MOB3A: variants seen among roughly 807,000 people sequenced by gnomAD.
MOB3A encodes the protein MOB kinase activator 3A, also known as MOB LAK.
A neutral mutation model predicts 17.8 loss-of-function variants in MOB3A; 17 were observed. That is an observed-to-expected ratio of 0.95 (90% CI 0.65 to 1.43). The LOEUF is 1.43. Ranked by LOEUF, MOB3A falls within the 40% of genes most tolerant of loss-of-function variation. MOB3A has a pLI of 0.00. For missense variants in MOB3A, 333 were observed against 310.8 expected (o/e 1.07, Z -0.54); for synonymous variants, 124 against 133.2 (o/e 0.93, Z 0.48).
chr19:2,090,674 T>A (rs1479945308), intron 1 of MOB3A, among the ~76,000 whole-genome samples: 1 of 152,176 alleles, frequency 6.6e-6, no homozygotes, highest in East Asian at 1.9e-4. Flanking sequence ...TACGTTATTT[T>A]TTTTTTTAAG....
At position 2,071,323 on chromosome 19, in the gene MOB3A, G is replaced by A. The variant is rs571335121; in HGVS notation, c.*2072C>T. ...CTCGGCTGGGAGGTCCCTCTCCGGG[G>A]GGCTCCAAGTGCCGGACCTGGTGGT... On this transcript the variant is annotated 3_prime_UTR_variant, in exon 5 of 5. Coordinates refer to ENST00000357066, the MANE Select transcript of MOB3A (RefSeq NM_130807.3). 6.6e-6 allele frequency: 1 copy of A among 152,246 alleles called. No homozygotes were observed. Among genetic ancestry groups the A allele is most frequent in the Admixed American group, 6.5e-5 (1 of 15,278 alleles). 9.4% of individuals were successfully genotyped at this position (152,246 alleles called of 1,614,324 possible). A position where few individuals can be genotyped will look rare whatever the true frequency, so the allele number is the denominator to read the frequency against.
chr19:2,094,420 A>G (rs901662807), intron 1 of MOB3A, among the ~76,000 whole-genome samples: 14 of 152,144 alleles, frequency 9.2e-5, no homozygotes, highest in African/African-American at 3.1e-4. Context: ...CCCTACATGA[A>G]AGCAAGACCA....
In MOB3A at chr19:2,081,566, C is replaced by A. The variant is rs146528749; in HGVS notation, c.-119-2887G>T. Among the ~76,000 whole-genome samples the A allele has an allele frequency of 3.7e-4, 54 of 147,178 alleles. 1 individual carries two copies. In the East Asian group the frequency reaches 0.011, roughly 30 times the overall value. On this transcript the variant is annotated intron_variant, in intron 2 of 4. Coordinates refer to ENST00000357066, the MANE Select transcript of MOB3A (RefSeq NM_130807.3). The stretch of plus-strand genomic sequence containing the variant: ...TCACACCATTGCACTCCAGCCTGGG[C>A]GACAGAGCGAGATTCTGCTTCAAAA...
rs2017505835 is a variant in MOB3A, at chr19:2,082,803, C to G, written c.-120+2372G>C. 6.6e-6 allele frequency among the ~76,000 whole-genome samples: 1 copy of G among 152,072 alleles called. No individual in the cohort carries two copies. Among genetic ancestry groups the G allele is most frequent in the Non-Finnish European group, 1.5e-5 (1 of 68,012 alleles). Reference sequence around the variant, plus strand: ...CAACCCCAGGGTCACCACACAGGTCCCCCCGCTTGCTTCTCTTCCATTTTT... The same window carrying G: ...CAACCCCAGGGTCACCACACAGGTCGCCCCGCTTGCTTCTCTTCCATTTTT... On this transcript the variant is annotated intron_variant, in intron 2 of 4. Coordinates refer to ENST00000357066, the MANE Select transcript of MOB3A (RefSeq NM_130807.3). The surrounding 1 kb of genome is among the most constrained non-coding windows in gnomAD (Gnocchi z 4.1).
At chr19:2,079,185 C>T (rs2017455287) in intron 2 of MOB3A, among the ~76,000 whole-genome samples, 1 of 152,260 alleles carries the variant, frequency 6.6e-6, no homozygotes, top group Non-Finnish European at 1.5e-5. Flanking sequence ...TGCGCAGAGC[C>T]GGGCCCCAAG....
intron 2 of MOB3A, among the ~76,000 whole-genome samples, chr19:2,083,330 G>C (rs561657793): frequency 6.6e-6 from 1 of 152,164 alleles, no homozygotes; most frequent in African/African-American, 2.4e-5. Flanking sequence ...GAGGCCCTTC[G>C]CCAGTGACAG....
intron 1 of MOB3A, among the ~76,000 whole-genome samples, chr19:2,090,871 T>C (rs374492656): frequency 2.1e-4 from 32 of 152,226 alleles, no homozygotes; most frequent in East Asian, 7.7e-4. Flanking sequence ...ACCGTGTTAG[T>C]CAGGATGGTC....
In MOB3A at chr19:2,096,314, C is replaced by A; in HGVS notation, c.-362G>T. 6.3e-6 allele frequency: 1 copy of A among 158,358 alleles called. No homozygotes were observed. The highest frequency in any genetic ancestry group is 1.5e-4 in the South Asian group (1 of 6,528). 9.8% of individuals were successfully genotyped at this position (158,358 alleles called of 1,614,324 possible). On this transcript the variant is annotated 5_prime_UTR_variant, in exon 1 of 5. Transcript: ENST00000357066. ...AGCCGCCGCACCGCCTCGCAGCCGC[C>A]GCGGAGGGACACGGCCGCGGGAACG...
chr19:2,074,310 G>A (rs1488384918), intron 4 of MOB3A, among the ~76,000 whole-genome samples: 1 of 152,048 alleles, frequency 6.6e-6, no homozygotes, highest in Non-Finnish European at 1.5e-5. Flanking sequence ...AGCCAGGCCA[G>A]AGGGCTGCAG....
At chr19:2,077,260 G>T (rs1345431474) in intron 3 of MOB3A, among the ~76,000 whole-genome samples, 1 of 152,064 alleles carries the variant, frequency 6.6e-6, no homozygotes, top group African/African-American at 2.4e-5. Context: ...ATATTAGCCG[G>T]GTGTGGTGGC....
chr19:2,077,039 C>T, intron 3 of MOB3A, 26 bp from the exon 4 acceptor site: 1 of 1,598,074 alleles, frequency 6.3e-7, no homozygotes, highest in South Asian at 1.1e-5. Flanking sequence ...TGGGACGGGT[C>T]CACGGACTCA....
intron 2 of MOB3A, among the ~76,000 whole-genome samples, chr19:2,084,426 C>T (rs2017527315): frequency 1.3e-5 from 2 of 151,376 alleles, no homozygotes; most frequent in Non-Finnish European, 1.5e-5. Context: ...CCCAGGGAGG[C>T]GGAGGCTACA....
intron 2 of MOB3A, among the ~76,000 whole-genome samples, chr19:2,084,746 A>G (rs1041740715): frequency 1.3e-5 from 2 of 151,798 alleles, no homozygotes; most frequent in African/African-American, 2.4e-5. Context: ...GCCCGCCACC[A>G]CACCCAGCTA....
chr19:2,096,095 G>A (rs980259780), intron 1 of MOB3A, 131 bp downstream of exon 1: 1 of 151,990 alleles, frequency 6.6e-6, no homozygotes, highest in African/African-American at 2.4e-5. Context: ...GCCCGTCTGA[G>A]GGATCCAGCT....
At chr19:2,073,983 A>C (rs933246086) in intron 4 of MOB3A, among the ~76,000 whole-genome samples, 1 of 151,124 alleles carries the variant, frequency 6.6e-6, no homozygotes, top group Non-Finnish European at 1.5e-5. Flanking sequence ...GTGAGCCAAG[A>C]TCGCGCCACT....
At chr19:2,083,705 C>G (rs967405416) in intron 2 of MOB3A, among the ~76,000 whole-genome samples, 1 of 152,214 alleles carries the variant, frequency 6.6e-6, no homozygotes, top group Non-Finnish European at 1.5e-5. Context: ...CAACAGAAAT[C>G]ACAGCACAGA....
chr19:2,083,327 T>A (rs1362731723), intron 2 of MOB3A, among the ~76,000 whole-genome samples: 1 of 152,200 alleles, frequency 6.6e-6, no homozygotes, highest in Admixed American at 6.5e-5. Context: ...CCTGAGGCCC[T>A]TCGCCAGTGA....
intron 1 of MOB3A, among the ~76,000 whole-genome samples, chr19:2,092,082 G>GTTTTT (rs1219970948): frequency 1.7e-5 from 2 of 118,890 alleles, no homozygotes; most frequent in African/African-American, 6.5e-5. Context: ...GGAAGGAAAG[G>GTTTTT]TTTTTTTTTT....
chr19:2,085,805 A>C (rs751636759), intron 1 of MOB3A, among the ~76,000 whole-genome samples: 5 of 150,662 alleles, frequency 3.3e-5, no homozygotes, highest in Non-Finnish European at 7.4e-5. Context: ...TCTACTAAAA[A>C]TACAAAAAAA....
Sources: allele counts gnomAD v4.1 joint callset (sites outside exome capture counted in the v4.1 genomes callset), GRCh38; gene constraint gnomAD v4.1.1; non-coding constraint Gnocchi (gnomAD v3.1); transcripts MANE v1.5; gene names NCBI Gene and HGNC (gene_info 2026-07-23, HGNC 2026-07-21).